The following GAREM1 variants were observed in gnomAD, a reference collection of about 807,000 sequenced individuals.
GAREM1 encodes the protein GRB2 associated regulator of MAPK1 subtype 1.
GAREM1 carries 26 observed loss-of-function variants against 71.3 expected under a neutral mutation model. The observed-to-expected ratio is 0.36, with a 90% CI of 0.27 to 0.51. The LOEUF is 0.51. Ranked by LOEUF, GAREM1 falls within the 20% of genes least tolerant of loss-of-function variation. The pLI, the probability that GAREM1 is intolerant of heterozygous loss-of-function variation, is 0.95. For missense variants in GAREM1, 1,026 were observed against 1,103.1 expected, an observed-to-expected ratio of 0.93 and a Z score of 0.99; for synonymous variants, 440 against 433.2, an observed-to-expected ratio of 1.02 and a Z score of -0.20.
intron 3 of GAREM1, among the ~76,000 whole-genome samples, chr18:32,299,761 G>A (rs1024643297): frequency 2.6e-5 from 4 of 152,010 alleles, no homozygotes; most frequent in Non-Finnish European, 4.4e-5. Context: ...TCCATTAAAC[G>A]TGATTGCCAA....
intron 1 of GAREM1, among the ~76,000 whole-genome samples, chr18:32,442,993 A>G (rs2048753823): frequency 6.6e-6 from 1 of 152,206 alleles, no homozygotes; most frequent in South Asian, 2.1e-4. Context: ...CAAATGACCA[A>G]AAATAATACA....
At chr18:32,431,538 G>GA (rs1319095489) in intron 1 of GAREM1, among the ~76,000 whole-genome samples, 1 of 152,158 alleles carries the variant, frequency 6.6e-6, no homozygotes, top group Non-Finnish European at 1.5e-5. Context: ...TGAGGCAGGA[G>GA]AATCGCTGGA....
rs930824683 is a variant in GAREM1, at chr18:32,268,749, T to C, written c.1753A>G (p.Thr585Ala). The change falls in exon 6 of 6, where the codon ACA becomes GCA. Residue 585 changes from threonine to alanine, a missense_variant. Around this residue, in one of 3 missense-constraint regions of GAREM1, gnomAD observed 636 missense variants for 631.2 expected, o/e 1.01. Coordinates refer to ENST00000269209, the MANE Select transcript of GAREM1 (RefSeq NM_001242409.2). ...ACAGGAGTGCTTTCAGAAGGATTTG[T>C]GTCAGTTTTAGTGACGCTGCTTAAA... ...LHNISVTKTD[T>A]NPSESTPVSC... is the part of the protein sequence containing the mutation. The C allele has an allele frequency of 3.1e-6, 5 of 1,613,664 alleles. No homozygotes were observed. Among genetic ancestry groups the C allele is most frequent in the Non-Finnish European group, 4.2e-6 (5 of 1,179,740 alleles).
At chr18:32,445,018 T>C (rs2048773375) in intron 1 of GAREM1, among the ~76,000 whole-genome samples, 1 of 152,120 alleles carries the variant, frequency 6.6e-6, no homozygotes, top group Non-Finnish European at 1.5e-5. Flanking sequence ...GTCCATGACC[T>C]GAGATCCCAG....
chr18:32,314,221 T>C (rs1448500024), intron 2 of GAREM1, among the ~76,000 whole-genome samples: 1 of 152,196 alleles, frequency 6.6e-6, no homozygotes, highest in Non-Finnish European at 1.5e-5. Context: ...TATGGTGTTC[T>C]ACAGTTTTAT....
chr18:32,296,911 G>C (rs111837714), intron 3 of GAREM1, among the ~76,000 whole-genome samples: 36 of 151,922 alleles, frequency 2.4e-4, no homozygotes, highest in Admixed American at 2.6e-4. Flanking sequence ...TTAGCCTTTG[G>C]TTTATCCCTA....
chr18:32,329,497 G>A (rs564235819), intron 2 of GAREM1, among the ~76,000 whole-genome samples: 1 of 152,004 alleles, frequency 6.6e-6, no homozygotes, highest in Admixed American at 6.5e-5. Context: ...CACAAGGTCA[G>A]GAGTTCAAGA....
chr18:32,353,646 C>T (rs2144596173), intron 2 of GAREM1, among the ~76,000 whole-genome samples: 1 of 152,190 alleles, frequency 6.6e-6, no homozygotes, highest in South Asian at 2.1e-4. Context: ...AATAAGGAGA[C>T]AAAGATGAGT....
rs1166355264 is a variant in GAREM1 at position 32,264,368 on chromosome 18, A to T, written c.*3503T>A. ...GTTTGTTATTCAAAATGTTAATCTT[A>T]TACTTGCTAGGCACGATGAGTAGTG... On this transcript the variant is annotated 3_prime_UTR_variant, in exon 6 of 6. Coordinates refer to ENST00000269209, the MANE Select transcript of GAREM1 (RefSeq NM_001242409.2). 1 of 152,208 alleles carries T rather than the reference A, an allele frequency of 6.6e-6. No individual in the cohort carries two copies. Among genetic ancestry groups the T allele is most frequent in the African/African-American group, 2.4e-5 (1 of 41,468 alleles). 9.4% of individuals were successfully genotyped at this position (152,208 alleles called of 1,614,324 possible). A position where few individuals can be genotyped will look rare whatever the true frequency, so the allele number is the denominator to read the frequency against.
Position 32,297,555 on chromosome 18 carries a change from G to C in GAREM1, c.394-9352C>G, listed in dbSNP as rs185681458. On this transcript the variant is annotated intron_variant, in intron 3 of 5. Transcript: ENST00000269209. ...GATTTCTAAGTTTTCATCTCCTACTGTGTTGAAGCCCAAACCACTACTTCT... is the reference window on the plus strand; with the variant it reads ...GATTTCTAAGTTTTCATCTCCTACTCTGTTGAAGCCCAAACCACTACTTCT... Among the ~76,000 whole-genome samples, 191 of 152,208 alleles carry C rather than the reference G, an allele frequency of 1.3e-3. 1 individual carries two copies. Among genetic ancestry groups the C allele is most frequent in the Non-Finnish European group, 1.6e-3 (109 of 68,012 alleles).
rs753109178 is a variant in GAREM1 at position 32,287,566 on chromosome 18, C to T, written c.1031G>A (p.Arg344His). ...TTCATTCCAGTCGGTTTTCACATCACGGACAGCCCGTGAATACTCATCGAT... is the reference window on the plus strand; with the variant it reads ...TTCATTCCAGTCGGTTTTCACATCATGGACAGCCCGTGAATACTCATCGAT... ...FDIDEYSRAV[R>H]DVKTDWNEEC... The change falls in exon 4 of 6, where the codon CGT becomes CAT. Residue 344 changes from arginine (R) to histidine (H), a missense_variant. Physicochemically the swap from Arg to His is conservative, Grantham distance 29. Coordinates refer to ENST00000269209, the MANE Select transcript of GAREM1 (RefSeq NM_001242409.2). The surrounding 1 kb of genome is among the most constrained non-coding windows in gnomAD (Gnocchi z 5.9). The T allele has an allele frequency of 3.1e-6, 5 of 1,614,186 alleles. No homozygotes were observed. The highest frequency in any genetic ancestry group is 2.2e-5 in the East Asian group (1 of 44,886).
intron 1 of GAREM1, among the ~76,000 whole-genome samples, chr18:32,462,392 C>A (rs943771039): frequency 6.6e-6 from 1 of 152,106 alleles, no homozygotes; most frequent in Non-Finnish European, 1.5e-5. Context: ...TTTTCATATA[C>A]CTATAAGCCA....
chr18:32,304,220 T>A (rs1336758742), intron 3 of GAREM1, among the ~76,000 whole-genome samples: 1 of 151,604 alleles, frequency 6.6e-6, no homozygotes, highest in Non-Finnish European at 1.5e-5. Flanking sequence ...GGCAGGAGAA[T>A]CGCTTGGACC....
Position 32,327,967 on chromosome 18 carries a change from A to AT in GAREM1, c.263-17645_263-17644insA, listed in dbSNP as rs561516447. On this transcript the variant is annotated intron_variant, in intron 2 of 5. Transcript: ENST00000269209. Reference sequence around the variant, plus strand: ...AAAGGGCAAGATGCCTCTGATTCACAGTAATATGATTAATAATATGAATAT... The same window carrying AT: ...AAAGGGCAAGATGCCTCTGATTCACATGTAATATGATTAATAATATGAATAT... 9.8e-3 allele frequency among the ~76,000 whole-genome samples: 1,486 copies of AT among 152,360 alleles called. 23 individuals carry two copies. Among genetic ancestry groups the AT allele is most frequent in the African/African-American group, 0.033 (1,382 of 41,574 alleles).
chr18:32,469,729 G>A (rs1241086589), intron 1 of GAREM1, among the ~76,000 whole-genome samples: 3 of 152,152 alleles, frequency 2.0e-5, no homozygotes, highest in Admixed American at 1.3e-4. Flanking sequence ...CCTTAAGCAT[G>A]CCATCACTTC....
At chr18:32,341,507 CT>C (rs1438164450) in intron 2 of GAREM1, among the ~76,000 whole-genome samples, 1 of 152,124 alleles carries the variant, frequency 6.6e-6, no homozygotes, top group African/African-American at 2.4e-5. Flanking sequence ...AATGAGATGT[CT>C]GGGTCAAATG....
chr18:32,415,325 G>A (rs545549090), intron 1 of GAREM1, among the ~76,000 whole-genome samples: 2 of 151,904 alleles, frequency 1.3e-5, no homozygotes, highest in Non-Finnish European at 2.9e-5. Context: ...AAAAAAAATA[G>A]AGGAAGAGGG....
At chr18:32,411,147 T>C (rs1340184521) in intron 1 of GAREM1, among the ~76,000 whole-genome samples, 6 of 152,178 alleles carry the variant, frequency 3.9e-5, no homozygotes, top group African/African-American at 1.4e-4. Flanking sequence ...TTTACCTTAT[T>C]AGGCTGGCTC....
intron 2 of GAREM1, among the ~76,000 whole-genome samples, chr18:32,370,192 G>C (rs557396427): frequency 9.0e-4 from 137 of 152,108 alleles, no homozygotes; most frequent in Middle Eastern, 3.4e-3. Flanking sequence ...CAGCACTTTG[G>C]GGGGCCGAGG....
Sources: gnomAD v4.1 joint callset for allele counts (sites outside exome capture counted in the v4.1 genomes callset) on GRCh38, gnomAD v4.1.1 for gene constraint, gnomAD v4.1.1 regional missense constraint, Gnocchi (gnomAD v3.1) non-coding constraint, MANE v1.5 for transcripts, NCBI Gene and HGNC (gene_info 2026-07-23, HGNC 2026-07-21) for gene names.